KIF15: variants seen among roughly 807,000 people sequenced by gnomAD.
The protein encoded by KIF15 is kinesin-like protein KIF15.
KIF15 carries 140 observed loss-of-function variants against 190.6 expected under a neutral mutation model. That is an observed-to-expected ratio of 0.73 (90% CI 0.64 to 0.84). The LOEUF (loss-of-function observed/expected upper bound fraction) is 0.84. Among genes scored for constraint, KIF15 ranks in the 40% least tolerant of loss-of-function variants. The probability of loss-of-function intolerance (pLI) is 0.00; values close to 1 mark genes in which losing one functional copy is unlikely to be tolerated. For missense variants in KIF15, 1,372 were observed against 1,584.4 expected, an observed-to-expected ratio of 0.87 and a Z score of 2.28; for synonymous variants, 528 against 551.3, an observed-to-expected ratio of 0.96 and a Z score of 0.59.
At chr3:44,775,829 C>G (rs1705858685) in intron 3 of KIF15, among the ~76,000 whole-genome samples, 1 of 151,742 alleles carries the variant, frequency 6.6e-6, no homozygotes, top group Non-Finnish European at 1.5e-5. Context: ...TGCCTGTGAT[C>G]CCAGCACTTT....
intron 1 of KIF15, 148 bp from the exon 2 acceptor site, chr3:44,774,247 A>G: frequency 3.1e-6 from 2 of 652,966 alleles, no homozygotes; most frequent in South Asian, 4.0e-5. Flanking sequence ...TGAGAATAGG[A>G]TCAAGGCCTG....
In KIF15 at chr3:44,864,971, A is replaced by C. The variant is rs1699304149; in HGVS notation, c.*60-8358A>C. On this transcript the variant is annotated intron_variant and NMD_transcript_variant, in intron 6 of 6. Coordinates refer to the KIF15 transcript ENST00000422209. ...CTCCTGGCACCCTTAGAAGGAAGTC[A>C]GTCCCAGGAGAGTGAGGTTGTGCCC... The C allele has an allele frequency of 1.9e-6, 3 of 1,589,388 alleles. No individual in the cohort carries two copies. The South Asian group carries it at 3.3e-5, about 18-fold the overall frequency.
In KIF15 at chr3:44,797,969, C is replaced by T. The variant is rs749462008; in HGVS notation, c.1098+13C>T. The T allele has an allele frequency of 5.7e-6, 9 of 1,585,128 alleles. No homozygotes were observed. The highest frequency in any genetic ancestry group is 2.2e-5 in the East Asian group (1 of 44,548). On this transcript the variant is annotated intron_variant, in intron 10 of 34. Transcript: ENST00000326047. ...GATTAAAAACAAGGTAAAATACTGGCGTATACTTCATTAAATAAATGAGAA... is the reference window on the plus strand; with the variant it reads ...GATTAAAAACAAGGTAAAATACTGGTGTATACTTCATTAAATAAATGAGAA...
chr3:44,834,382 A>G (rs569305780), intron 26 of KIF15, among the ~76,000 whole-genome samples: 1 of 152,280 alleles, frequency 6.6e-6, no homozygotes, highest in Non-Finnish European at 1.5e-5. Context: ...GAGTGTCTAC[A>G]TGGAGACTCC....
rs768729268 is a variant in KIF15, at chr3:44,841,105, A to G, written c.3452A>G (p.His1151Arg). ...AAGACACCACCTCACTTTCAAACAC[A>G]TTTGGCAAAACTCCTGGAAACACAA... ...SPKTPPHFQT[H>R]LAKLLETQEQ... Residue 1151 changes from histidine to arginine, a missense_variant, in exon 29 of 35, where the codon CAT (histidine) becomes CGT (arginine). Transcript: ENST00000326047. 6.2e-7 allele frequency: 1 copy of G among 1,613,690 alleles called. No individual in the cohort carries two copies. The highest frequency in any genetic ancestry group is 8.5e-7 in the Non-Finnish European group (1 of 1,179,812).
At chr3:44,840,998 T>C (rs1016323165) in intron 28 of KIF15, 76 bp from the exon 29 acceptor site, 2 of 1,346,352 alleles carry the variant, frequency 1.5e-6, no homozygotes, top group African/African-American at 3.0e-5. Context: ...TTTTATGTAC[T>C]TGACATTTAC....
rs1411114224 is a variant in KIF15, at chr3:44,775,383, C to T, written c.192C>T (p.Asn64=). 1 of 1,614,062 alleles carries T rather than the reference C, an allele frequency of 6.2e-7. No individual in the cohort carries two copies. The highest frequency in any genetic ancestry group is 8.5e-7 in the Non-Finnish European group (1 of 1,179,978). ...CCACGAGTCTCCGGCTGCACTCCAA[C>T]CCTGAGCCCAAGACCTTCACGTTTG... is the stretch of plus-strand genomic sequence containing the variant. ...LSSTSLRLHS[N]PEPKTFTFDH... is the part of the protein sequence containing the mutation. Residue 64 remains asparagine, a synonymous_variant, in exon 3 of 35, where the codon AAC becomes AAT. Transcript: ENST00000326047.
intron 20 of KIF15, among the ~76,000 whole-genome samples, chr3:44,815,882 G>T (rs575262985): frequency 6.6e-6 from 1 of 152,276 alleles, no homozygotes; most frequent in East Asian, 1.9e-4. Flanking sequence ...CTCTGGAAAA[G>T]CTACTAGTAG....
At chr3:44,796,607 G>A (rs1706995879) in intron 8 of KIF15, among the ~76,000 whole-genome samples, 1 of 152,162 alleles carries the variant, frequency 6.6e-6, no homozygotes, top group Non-Finnish European at 1.5e-5. Flanking sequence ...CAGTGACTCT[G>A]AATTCAGTAC....
At chr3:44,831,326 A>G (rs914642456) in intron 26 of KIF15, among the ~76,000 whole-genome samples, 3 of 152,180 alleles carry the variant, frequency 2.0e-5, no homozygotes, top group Non-Finnish European at 4.4e-5. Flanking sequence ...TTTGTATACT[A>G]CTAATGTATT....
chr3:44,818,486 A>C (rs1014457188), intron 20 of KIF15, among the ~76,000 whole-genome samples: 6 of 152,212 alleles, frequency 3.9e-5, no homozygotes, highest in African/African-American at 1.4e-4. Flanking sequence ...CCTTTTCTGC[A>C]TCTATTGAGA....
chr3:44,773,444 T>G (rs969898523), intron 1 of KIF15, among the ~76,000 whole-genome samples: 3 of 152,072 alleles, frequency 2.0e-5, no homozygotes, highest in Admixed American at 2.0e-4. Flanking sequence ...AGGGGAGGGA[T>G]GCAAGGAACT....
intron 1 of KIF15, among the ~76,000 whole-genome samples, chr3:44,764,751 C>T (rs552157000): frequency 5.5e-4 from 84 of 152,152 alleles, no homozygotes; most frequent in African/African-American, 2.0e-3. Context: ...TTACTCCTGC[C>T]TCAGCCTCCT....
intron 20 of KIF15, among the ~76,000 whole-genome samples, chr3:44,821,968 A>G (rs1357936499): frequency 1.3e-5 from 2 of 152,222 alleles, no homozygotes; most frequent in African/African-American, 4.8e-5. Flanking sequence ...CCAAAAAAAT[A>G]CGAAAACCAG....
intron 5 of KIF15, 94 bp from the exon 6 acceptor site, chr3:44,784,751 G>A: frequency 1.5e-6 from 1 of 678,904 alleles, no homozygotes; most frequent in Non-Finnish European, 2.5e-6. Flanking sequence ...GAAACTGATT[G>A]TATGGTGTAT....
At chr3:44,860,139 T>C (rs1209655862) in intron 6 of KIF15, among the ~76,000 whole-genome samples, 1 of 152,158 alleles carries the variant, frequency 6.6e-6, no homozygotes, top group Admixed American at 6.5e-5. Context: ...TCTGAGATGC[T>C]TAACCTTTAG....
At chr3:44,761,916 T>G (rs537939767) in intron 1 of KIF15, 32 bp downstream of exon 1, 1 of 1,614,056 alleles carries the variant, frequency 6.2e-7, no homozygotes, top group African/African-American at 1.3e-5. Flanking sequence ...CGTTACCCTA[T>G]TTTTGCCCCC....
At chr3:44,849,708 T>A (rs1304429530) in intron 32 of KIF15, among the ~76,000 whole-genome samples, 1 of 152,170 alleles carries the variant, frequency 6.6e-6, no homozygotes, top group African/African-American at 2.4e-5. Flanking sequence ...CCCATCATAC[T>A]ACTTAACAAT....
chr3:44,865,386 T>C (rs1218088033), intron 6 of KIF15: 13 of 634,456 alleles, frequency 2.0e-5, no homozygotes, highest in Non-Finnish European at 3.4e-5. Context: ...TTTGATCATC[T>C]GTACAGTGCT....
Sources: allele counts gnomAD v4.1 joint callset (sites outside exome capture counted in the v4.1 genomes callset), GRCh38; gene constraint gnomAD v4.1.1; transcripts MANE v1.5; gene names NCBI Gene and HGNC (gene_info 2026-07-23, HGNC 2026-07-21).